Variants in SPINT2 observed in about 807,000 individuals in gnomAD.
SPINT2 encodes the protein kunitz-type protease inhibitor 2.
In SPINT2, 18 loss-of-function variants were observed where a neutral mutation model predicts 30.1. The ratio of observed to expected loss-of-function variants is 0.60; its 90% confidence interval spans 0.41 to 0.89. The LOEUF is 0.89. Ranked by LOEUF, SPINT2 falls within the 40% of genes least tolerant of loss-of-function variation. SPINT2 has a pLI of 0.00. For missense variants in SPINT2, 276 were observed against 334.3 expected, an observed-to-expected ratio of 0.83 and a Z score of 1.36; for synonymous variants, 139 against 137.9, an observed-to-expected ratio of 1.01 and a Z score of -0.05.
chr19:38,273,634 C>G (rs1968481859), intron 1 of SPINT2, among the ~76,000 whole-genome samples: 1 of 152,130 alleles, frequency 6.6e-6, no homozygotes, highest in African/African-American at 2.4e-5. Context: ...TCCACCAGTC[C>G]CTCCCTCTGG....
At chr19:38,286,431 G>T (rs1337583288) in intron 2 of SPINT2, among the ~76,000 whole-genome samples, 1 of 152,226 alleles carries the variant, frequency 6.6e-6, no homozygotes, top group African/African-American at 2.4e-5. Context: ...CGAGGATGCG[G>T]AGGAGCCAGG....
intron 1 of SPINT2, among the ~76,000 whole-genome samples, chr19:38,276,685 A>G (rs1298955152): frequency 3.3e-5 from 5 of 152,186 alleles, no homozygotes; most frequent in African/African-American, 1.2e-4. Context: ...ATATAAAAAC[A>G]TGAATGAAAT....
chr19:38,288,439 C>T (rs985053325), intron 3 of SPINT2: 7 of 250,462 alleles, frequency 2.8e-5, no homozygotes, highest in African/African-American at 8.9e-5. Context: ...GTAGTGCTGG[C>T]GGCTGCTGCC....
At position 38,290,605 on chromosome 19, in the gene SPINT2, T is replaced by C. The variant is rs1968705875; in HGVS notation, c.592+30T>C. 1.2e-6 allele frequency: 2 copies of C among 1,611,362 alleles called. No individual in the cohort carries two copies. The highest frequency in any genetic ancestry group is 4.5e-5 in the East Asian group (2 of 44,784). ...GTGGCCCCTTACCCTCCTCCTGCCA[T>C]CAGCCTGCCTCCTCCCTTCCTTGAC... On this transcript the variant is annotated intron_variant, in intron 6 of 6. Coordinates refer to ENST00000301244, the MANE Select transcript of SPINT2 (RefSeq NM_021102.4). This position sits in a 1 kb window ranked among gnomAD's most constrained non-coding sequence, Gnocchi z 4.3.
chr19:38,270,591 A>G (rs188117448), intron 1 of SPINT2, among the ~76,000 whole-genome samples: 1 of 152,354 alleles, frequency 6.6e-6, no homozygotes, highest in East Asian at 1.9e-4. Flanking sequence ...AAATGGTTGC[A>G]GTTCCTAAAG....
intron 1 of SPINT2, among the ~76,000 whole-genome samples, chr19:38,280,497 T>C (rs770548653): frequency 3.9e-5 from 6 of 152,074 alleles, no homozygotes; most frequent in Non-Finnish European, 5.9e-5. Context: ...TCCCGTGCGC[T>C]GTTAGCTGAG....
At chr19:38,285,957 T>C (rs1968635856) in intron 2 of SPINT2, among the ~76,000 whole-genome samples, 1 of 152,166 alleles carries the variant, frequency 6.6e-6, no homozygotes, top group South Asian at 2.1e-4. Context: ...ACTCAGGCAG[T>C]AGACAGTGAA....
intron 1 of SPINT2, among the ~76,000 whole-genome samples, chr19:38,278,545 T>A (rs571652990): frequency 2.6e-5 from 4 of 152,352 alleles, no homozygotes; most frequent in African/African-American, 9.6e-5. Context: ...AGCCAGGTGC[T>A]GTGGCTCATG....
intron 1 of SPINT2, among the ~76,000 whole-genome samples, chr19:38,279,086 G>A (rs1968551151): frequency 6.6e-6 from 1 of 151,894 alleles, no homozygotes; most frequent in South Asian, 2.1e-4. Context: ...ACAAAAAGAT[G>A]TGTGTCTTAA....
intron 1 of SPINT2, among the ~76,000 whole-genome samples, chr19:38,276,621 G>A (rs528401255): frequency 1.3e-5 from 2 of 151,880 alleles, no homozygotes; most frequent in East Asian, 2.0e-4. Context: ...CAGCCTGGGC[G>A]ACAGAGCGAG....
chr19:38,270,824 G>A (rs1391373025), intron 1 of SPINT2, among the ~76,000 whole-genome samples: 1 of 152,232 alleles, frequency 6.6e-6, no homozygotes, highest in Non-Finnish European at 1.5e-5. Context: ...CTACAGGGGA[G>A]GCTGAATAAG....
At chr19:38,267,642 G>T (rs1968395380) in intron 1 of SPINT2, among the ~76,000 whole-genome samples, 1 of 147,184 alleles carries the variant, frequency 6.8e-6, no homozygotes. Context: ...GTGACCCTGA[G>T]AGGAAGCGGG....
At chr19:38,288,309 G>T (rs1453300393) in intron 3 of SPINT2, 3 of 377,056 alleles carry the variant, frequency 8.0e-6, no homozygotes, top group Non-Finnish European at 5.1e-6. Flanking sequence ...TGTCTCCTCT[G>T]CTTCCTTTGC....
At chr19:38,271,067 G>T (rs1968449331) in intron 1 of SPINT2, among the ~76,000 whole-genome samples, 1 of 152,220 alleles carries the variant, frequency 6.6e-6, no homozygotes. Flanking sequence ...TGATGCTGAG[G>T]CCCAGGAACT....
At chr19:38,268,917 C>T (rs756308251) in intron 1 of SPINT2, among the ~76,000 whole-genome samples, 2 of 152,016 alleles carry the variant, frequency 1.3e-5, no homozygotes, top group Non-Finnish European at 2.9e-5. Flanking sequence ...TGTAATGTTG[C>T]TCAACACCAG....
At chr19:38,268,790 T>TGTGTGTGTGTGTG (rs1968413034) in intron 1 of SPINT2, among the ~76,000 whole-genome samples, 1 of 151,842 alleles carries the variant, frequency 6.6e-6, no homozygotes, top group Non-Finnish European at 1.5e-5. Flanking sequence ...TGTGTGTGTG[T>TGTGTGTGTGTGTG]TACGGCTGGC....
Position 38,264,690 on chromosome 19 carries a change from C to A in SPINT2, c.-203C>A. 8.6e-6 allele frequency: 5 copies of A among 583,926 alleles called. 1 individual carries two copies. In the South Asian group the frequency reaches 1.0e-4, roughly 12 times the overall value. 36.2% of individuals were successfully genotyped at this position (583,926 alleles called of 1,614,324 possible). ...GAGTGAGGAGCAGACCCAGGCATCG[C>A]GCGCCGAGAAGGCCGGGCGTCCCCA... On this transcript the variant is annotated 5_prime_UTR_variant, in exon 1 of 7. Transcript: ENST00000301244.
intron 1 of SPINT2, among the ~76,000 whole-genome samples, chr19:38,277,550 C>T (rs1442047536): frequency 6.6e-6 from 1 of 152,154 alleles, no homozygotes; most frequent in East Asian, 1.9e-4. Context: ...CTTGGGACCC[C>T]TCAGAATTCT....
At position 38,292,028 on chromosome 19, in the gene SPINT2, T is replaced by C; in HGVS notation, c.*22T>C. 2 of 1,613,490 alleles carry C rather than the reference T, an allele frequency of 1.2e-6. No homozygotes were observed. The highest frequency in any genetic ancestry group is 1.7e-6 in the Non-Finnish European group (2 of 1,179,850). The stretch of plus-strand genomic sequence containing the variant: ...GTGACCGCCCTGTCGCCAAGAGGAC[T>C]GGGGAAGGGAGGGGAGACTATGTGT... On this transcript the variant is annotated 3_prime_UTR_variant, in exon 7 of 7. Coordinates refer to ENST00000301244, the MANE Select transcript of SPINT2 (RefSeq NM_021102.4).
Sources: gnomAD v4.1 joint callset for allele counts (sites outside exome capture counted in the v4.1 genomes callset) on GRCh38, gnomAD v4.1.1 for gene constraint, Gnocchi (gnomAD v3.1) non-coding constraint, MANE v1.5 for transcripts, NCBI Gene and HGNC (gene_info 2026-07-23, HGNC 2026-07-21) for gene names.